KIF16B: variants seen among roughly 807,000 people sequenced by gnomAD.
KIF16B encodes kinesin-like protein KIF16B.
A neutral mutation model predicts 156.3 loss-of-function variants in KIF16B; 98 were observed. The ratio of observed to expected loss-of-function variants is 0.63; its 90% CI spans 0.53 to 0.74. KIF16B has a LOEUF of 0.74. KIF16B is among the 30% of genes least tolerant of loss of function. The pLI, the probability that KIF16B is intolerant of heterozygous loss-of-function variation, is 0.00. For missense variants in KIF16B, 1,421 were observed against 1,606.5 expected, an observed-to-expected ratio of 0.88 and a Z score of 1.97; for synonymous variants, 564 against 583.7, an observed-to-expected ratio of 0.97 and a Z score of 0.49.
At chr20:16,564,235 T>A (rs1362280652) in intron 1 of KIF16B, among the ~76,000 whole-genome samples, 1 of 152,168 alleles carries the variant, frequency 6.6e-6, no homozygotes, top group Non-Finnish European at 1.5e-5. Flanking sequence ...GTTTCCAGCT[T>A]CACCCATGTC....
chr20:16,279,848 T>A (rs1436262216), intron 25 of KIF16B, among the ~76,000 whole-genome samples: 20 of 152,208 alleles, frequency 1.3e-4, no homozygotes, highest in Admixed American at 1.3e-3. Context: ...GCTAATATGG[T>A]CTACTGGCTG....
At chr20:16,553,351 T>G (rs1406773021) in intron 1 of KIF16B, among the ~76,000 whole-genome samples, 2 of 152,214 alleles carry the variant, frequency 1.3e-5, no homozygotes. Flanking sequence ...ACGCCTTGAA[T>G]GCAACATTAT....
intron 12 of KIF16B, among the ~76,000 whole-genome samples, chr20:16,454,422 G>A (rs1018327672): frequency 4.0e-5 from 6 of 150,212 alleles, no homozygotes; most frequent in Admixed American, 1.3e-4. Flanking sequence ...GTTAAGGTGC[G>A]TATATAATAT....
chr20:16,462,310 C>T (rs1221186325), intron 12 of KIF16B, among the ~76,000 whole-genome samples: 1 of 152,142 alleles, frequency 6.6e-6, no homozygotes, highest in African/African-American at 2.4e-5. Context: ...CCTGAGAGGG[C>T]CCCTGCAATC....
chr20:16,352,061 A>G (rs1191771094), intron 23 of KIF16B, among the ~76,000 whole-genome samples: 2 of 152,242 alleles, frequency 1.3e-5, no homozygotes, highest in East Asian at 3.8e-4. Flanking sequence ...GCTAGAGCAG[A>G]CACGACTAAT....
At chr20:16,348,948 A>G (rs1026041410) in intron 23 of KIF16B, among the ~76,000 whole-genome samples, 4 of 152,184 alleles carry the variant, frequency 2.6e-5, no homozygotes, top group African/African-American at 9.6e-5. Context: ...ATGACAGCTA[A>G]GTCTCCCCTG....
At chr20:16,509,802 T>C (rs1218889805) in intron 6 of KIF16B, among the ~76,000 whole-genome samples, 1 of 152,230 alleles carries the variant, frequency 6.6e-6, no homozygotes, top group South Asian at 2.1e-4. Context: ...TTCTGTCAAG[T>C]ATGATGTTTT....
chr20:16,289,229 T>G (rs1229254255), intron 25 of KIF16B, among the ~76,000 whole-genome samples: 1 of 152,142 alleles, frequency 6.6e-6, no homozygotes, highest in African/African-American at 2.4e-5. Context: ...CAAAGTACGG[T>G]TTCTACTGAA....
At chr20:16,441,917 T>C (rs2066811300) in intron 12 of KIF16B, among the ~76,000 whole-genome samples, 2 of 152,186 alleles carry the variant, frequency 1.3e-5, no homozygotes, top group Admixed American at 6.6e-5. Flanking sequence ...TGTCTTTAGA[T>C]CTAAGTCTAT....
rs77949714 is a variant in KIF16B, at chr20:16,418,780, A to G, written c.1612+8324T>C. ...CATGCTCATGTTTCTCCACTCATAA[A>G]TATTCATGACTTCTCCTATAGCTTA... On this transcript the variant is annotated intron_variant, in intron 15 of 25. Coordinates refer to ENST00000354981, the MANE Select transcript of KIF16B (RefSeq NM_024704.5). 6.8e-3 allele frequency among the ~76,000 whole-genome samples: 1,035 copies of G among 152,206 alleles called. 17 individuals carry two copies. Among genetic ancestry groups the G allele is most frequent in the African/African-American group, 0.024 (991 of 41,540 alleles).
Position 16,294,304 on chromosome 20 carries a change from G to T in KIF16B, c.3795+18031C>A, listed in dbSNP as rs117195870. Among the ~76,000 whole-genome samples, 154 of 152,308 alleles carry T rather than the reference G, an allele frequency of 1.0e-3. 3 individuals carry two copies. In the East Asian group the frequency reaches 0.023, roughly 22 times the overall value. Reference sequence around the variant, plus strand: ...GAGAGCAGTTACCTCCTAGCACTCAGCTTGGTTTGAGATCCTCTGAAAGCA... The same window carrying T: ...GAGAGCAGTTACCTCCTAGCACTCATCTTGGTTTGAGATCCTCTGAAAGCA... On this transcript the variant is annotated intron_variant, in intron 25 of 25. Coordinates refer to ENST00000354981, the MANE Select transcript of KIF16B (RefSeq NM_024704.5).
At chr20:16,331,400 G>A (rs1759061693) in intron 24 of KIF16B, among the ~76,000 whole-genome samples, 1 of 152,142 alleles carries the variant, frequency 6.6e-6, no homozygotes, top group Non-Finnish European at 1.5e-5. Flanking sequence ...AGTTCCAAAA[G>A]ACTATAGGCT....
At chr20:16,518,407 G>A (rs1011513494) in intron 3 of KIF16B, among the ~76,000 whole-genome samples, 3 of 152,214 alleles carry the variant, frequency 2.0e-5, no homozygotes, top group Admixed American at 1.3e-4. Flanking sequence ...CTTGCTGCCT[G>A]TCAGAGCACA....
At chr20:16,395,990 AC>A (rs1051779220) in intron 17 of KIF16B, among the ~76,000 whole-genome samples, 2 of 152,216 alleles carry the variant, frequency 1.3e-5, no homozygotes, top group Non-Finnish European at 2.9e-5. Context: ...TTCTACAGCT[AC>A]TTCCTCCCCG....
intron 15 of KIF16B, among the ~76,000 whole-genome samples, chr20:16,417,177 A>C (rs1446681573): frequency 6.6e-6 from 1 of 152,120 alleles, no homozygotes; most frequent in African/African-American, 2.4e-5. Flanking sequence ...CAGGAAAGCA[A>C]CCTCACAGAG....
chr20:16,405,048 A>G (rs1265784192), intron 16 of KIF16B, 147 bp from the exon 17 acceptor site: 1 of 632,628 alleles, frequency 1.6e-6, no homozygotes, highest in Non-Finnish European at 2.8e-6. Flanking sequence ...TATCTGAGGA[A>G]AGCAGATCAT....
intron 12 of KIF16B, among the ~76,000 whole-genome samples, chr20:16,482,789 C>G (rs2068016409): frequency 6.6e-6 from 1 of 152,150 alleles, no homozygotes; most frequent in Non-Finnish European, 1.5e-5. Context: ...ATATATGACA[C>G]TATAGTAAGT....
At chr20:16,327,278 G>C (rs748189123) in intron 24 of KIF16B, among the ~76,000 whole-genome samples, 1 of 151,834 alleles carries the variant, frequency 6.6e-6, no homozygotes, top group East Asian at 1.9e-4. Context: ...AATGGACTTC[G>C]GGGACTCAGG....
chr20:16,406,459 G>A lies in KIF16B; in HGVS notation c.1613-3C>T. The A allele has an allele frequency of 2.5e-6, 4 of 1,613,060 alleles. No homozygotes were observed. The highest frequency in any genetic ancestry group is 2.2e-5 in the South Asian group (2 of 91,026). ...TCTTCCCAAGAGAATCACAGCACCT[G>A]AAAACACACAAAAACAGTAATGAAT... On this transcript the variant is annotated splice_region_variant and splice_polypyrimidine_tract_variant and intron_variant, in intron 15 of 25. Coordinates refer to ENST00000354981, the MANE Select transcript of KIF16B (RefSeq NM_024704.5).
Sources: allele counts gnomAD v4.1 joint callset (sites outside exome capture counted in the v4.1 genomes callset), GRCh38; gene constraint gnomAD v4.1.1; transcripts MANE v1.5; gene names NCBI Gene and HGNC (gene_info 2026-07-23, HGNC 2026-07-21).